LSAMP: variants seen among roughly 807,000 people sequenced by gnomAD.
The protein encoded by LSAMP is limbic system associated membrane protein.
A neutral mutation model predicts 38.6 loss-of-function variants in LSAMP; 7 were observed. The ratio of observed to expected loss-of-function variants is 0.18; its 90% CI spans 0.10 to 0.34. The LOEUF is 0.34. Ranked by LOEUF, LSAMP falls within the 10% of genes least tolerant of loss-of-function variation. LSAMP has a pLI of 1.00. For synonymous variants in LSAMP, 154 were observed against 166.8 expected, an observed-to-expected ratio of 0.92 and a Z score of 0.59; for missense variants, 313 against 420.0, an observed-to-expected ratio of 0.75 and a Z score of 2.23.
chr3:115,823,220 C>A (rs745457740), intron 6 of LSAMP, among the ~76,000 whole-genome samples: 4 of 152,156 alleles, frequency 2.6e-5, no homozygotes, highest in Non-Finnish European at 5.9e-5. Context: ...ACTGGGGATC[C>A]TGGAGGTGCA....
chr3:115,849,211 A>T (rs1935253627), intron 4 of LSAMP, among the ~76,000 whole-genome samples: 1 of 152,208 alleles, frequency 6.6e-6, no homozygotes, highest in Non-Finnish European at 1.5e-5. Flanking sequence ...GCTTTCCGTA[A>T]ATTCCAGGAC....
At chr3:116,332,014 A>AT (rs1433234984) in intron 1 of LSAMP, among the ~76,000 whole-genome samples, 2 of 151,594 alleles carry the variant, frequency 1.3e-5, no homozygotes, top group Non-Finnish European at 2.9e-5. Flanking sequence ...TTTTTTGCTT[A>AT]TTTTTTGGTA....
At chr3:116,032,765 T>C (rs1240120953) in intron 2 of LSAMP, among the ~76,000 whole-genome samples, 1 of 152,082 alleles carries the variant, frequency 6.6e-6, no homozygotes, top group South Asian at 2.1e-4. Flanking sequence ...ATCATGCTAC[T>C]GCACTCCAGC....
At position 116,100,035 on chromosome 3, in the gene LSAMP, C is replaced by G. The variant is rs931767607; in HGVS notation, c.156-13479G>C. Among the ~76,000 whole-genome samples, 12 of 140,772 alleles carry G rather than the reference C, an allele frequency of 8.5e-5. No individual in the cohort carries two copies. In the Admixed American group the frequency reaches 8.8e-4, roughly 10 times the overall value. The allele number at this position is 140,772 out of a possible 152,430, so 92.4% of individuals were successfully genotyped here. ...TTCCCTGTTATCAGTTAATGGAACT[C>G]TAATTCATCTATAAATTTAAGCTAG... On this transcript the variant is annotated intron_variant, in intron 1 of 6. Coordinates refer to ENST00000490035, the MANE Select transcript of LSAMP (RefSeq NM_002338.5).
At chr3:116,026,921 C>T (rs762866996) in intron 2 of LSAMP, among the ~76,000 whole-genome samples, 2 of 151,998 alleles carry the variant, frequency 1.3e-5, no homozygotes, top group South Asian at 2.1e-4. Flanking sequence ...GCCATTGCCA[C>T]GAGAAGAACA....
intron 3 of LSAMP, among the ~76,000 whole-genome samples, chr3:115,983,939 A>C (rs1206082109): frequency 2.6e-5 from 4 of 152,210 alleles, no homozygotes; most frequent in African/African-American, 9.6e-5. Context: ...ACACAGAAAT[A>C]GAGGTTGCAA....
At position 115,805,496 on chromosome 3, in the gene LSAMP, T is replaced by C. The variant is rs371441472; in HGVS notation, c.*4821A>G. 22 of 152,324 alleles carry C rather than the reference T, an allele frequency of 1.4e-4. No homozygotes were observed. In the East Asian group the frequency reaches 3.9e-3, roughly 27 times the overall value. The allele number at this position is 152,324 out of a possible 1,614,324, so 9.4% of individuals were successfully genotyped here. The stretch of plus-strand genomic sequence containing the variant: ...ATGTACATAAACTAGTGATTTACAT[T>C]GATTTACACATGATTGGTGCCTAAT... On this transcript the variant is annotated 3_prime_UTR_variant, in exon 7 of 7. Transcript: ENST00000490035.
chr3:116,382,660 T>A (rs1487890350), intron 1 of LSAMP, among the ~76,000 whole-genome samples: 2 of 151,936 alleles, frequency 1.3e-5, no homozygotes. Context: ...AATAAAAAAA[T>A]AAAATAAAAT....
At chr3:115,936,003 G>T (rs1176229799) in intron 3 of LSAMP, among the ~76,000 whole-genome samples, 1 of 152,086 alleles carries the variant, frequency 6.6e-6, no homozygotes, top group Non-Finnish European at 1.5e-5. Context: ...ATTTGAACTT[G>T]GGTCTCAATT....
chr3:116,433,419 A>T (rs1002367485), intron 1 of LSAMP, among the ~76,000 whole-genome samples: 2 of 152,144 alleles, frequency 1.3e-5, no homozygotes, highest in African/African-American at 4.8e-5. Context: ...ATTTTTCCTC[A>T]TGGTTATTGG....
In LSAMP at chr3:116,126,009, C is replaced by T. The variant is rs146530915; in HGVS notation, c.156-39453G>A. Among the ~76,000 whole-genome samples the T allele has an allele frequency of 3.3e-5, 5 of 152,266 alleles. No homozygotes were observed. The East Asian group carries it at 7.7e-4, about 23-fold the overall frequency. On this transcript the variant is annotated intron_variant, in intron 1 of 6. Coordinates refer to ENST00000490035, the MANE Select transcript of LSAMP (RefSeq NM_002338.5). ...TTTCTAAGCTTCAGCATTTTATATC[C>T]ATTTGCAGACTGGATTCTTCTGCAG...
At chr3:116,299,235 G>C (rs1576491819) in intron 1 of LSAMP, among the ~76,000 whole-genome samples, 1 of 152,338 alleles carries the variant, frequency 6.6e-6, no homozygotes, top group South Asian at 2.1e-4. Context: ...CTGTGGGTAG[G>C]AGAAGGATTA....
At chr3:116,390,107 C>T (rs1043143414) in intron 1 of LSAMP, among the ~76,000 whole-genome samples, 3 of 148,862 alleles carry the variant, frequency 2.0e-5, no homozygotes, top group Non-Finnish European at 4.5e-5. Flanking sequence ...ATCTTCTATA[C>T]TTAAATTATA....
chr3:115,908,227 T>TTATA (rs550487861), intron 3 of LSAMP, among the ~76,000 whole-genome samples: 376 of 151,886 alleles, frequency 2.5e-3, no homozygotes, highest in African/African-American at 8.7e-3. Flanking sequence ...TCCCCTCAGT[T>TTATA]TATATATATA....
intron 1 of LSAMP, among the ~76,000 whole-genome samples, chr3:116,199,570 GATAA>G (rs1252927597): frequency 1.3e-5 from 2 of 152,132 alleles, no homozygotes; most frequent in African/African-American, 4.8e-5. Flanking sequence ...AGTCTGCTAG[GATAA>G]ATAAATGAGT....
intron 2 of LSAMP, among the ~76,000 whole-genome samples, chr3:116,068,673 T>C (rs1374291866): frequency 1.3e-5 from 2 of 152,200 alleles, no homozygotes; most frequent in African/African-American, 2.4e-5. Flanking sequence ...AGAATCATAA[T>C]GAATAAAGAC....
chr3:115,816,730 C>CGCCT, intron 6 of LSAMP: 2 of 726,004 alleles, frequency 2.8e-6, no homozygotes, highest in Non-Finnish European at 4.1e-6. Context: ...ATCTGATATT[C>CGCCT]TCCACTGAAA....
At chr3:116,164,743 C>CAAATATATATATATAATCCAA (rs1710001495) in intron 1 of LSAMP, among the ~76,000 whole-genome samples, 2 of 48,438 alleles carry the variant, frequency 4.1e-5, no homozygotes, top group African/African-American at 1.6e-4. Flanking sequence ...TATATATATC[C>CAAATATATATATATAATCCAA]ATATATATAT....
At chr3:115,903,159 A>G (rs953244124) in intron 3 of LSAMP, among the ~76,000 whole-genome samples, 18 of 152,328 alleles carry the variant, frequency 1.2e-4, no homozygotes, top group African/African-American at 4.1e-4. Context: ...ATGCAGCCAT[A>G]AAAAGGAATG....
Sources: allele counts gnomAD v4.1 joint callset (sites outside exome capture counted in the v4.1 genomes callset), GRCh38; gene constraint gnomAD v4.1.1; transcripts MANE v1.5; gene names NCBI Gene and HGNC (gene_info 2026-07-23, HGNC 2026-07-21).